NXPH1: variants seen among roughly 807,000 people sequenced by gnomAD.
NXPH1 encodes neurexophilin-1.
NXPH1 carries 5 observed loss-of-function variants against 23.7 expected under a neutral mutation model. The ratio of observed to expected loss-of-function variants is 0.21; its 90% confidence interval spans 0.11 to 0.44. The LOEUF (loss-of-function observed/expected upper bound fraction) is 0.44, where lower values mean the gene tolerates loss of function less well. NXPH1 is among the 20% of genes least tolerant of loss of function. The pLI is 0.99. For synonymous variants in NXPH1, 144 were observed against 122.2 expected (o/e 1.18, Z -1.18); for missense variants, 324 against 321.6 (o/e 1.01, Z -0.06).
At chr7:8,611,673 T>A (rs752919177) in intron 2 of NXPH1, among the ~76,000 whole-genome samples, 3 of 152,174 alleles carry the variant, frequency 2.0e-5, no homozygotes, top group Non-Finnish European at 2.9e-5. Flanking sequence ...TTAACAAATA[T>A]GTTTTCAATA....
chr7:8,570,888 A>G (rs781390550), intron 2 of NXPH1, among the ~76,000 whole-genome samples: 10 of 151,856 alleles, frequency 6.6e-5, no homozygotes, highest in Non-Finnish European at 1.3e-4. Context: ...TAACCAAGAG[A>G]ACAATAGCAG....
At chr7:8,706,043 T>A (rs950703309) in intron 2 of NXPH1, among the ~76,000 whole-genome samples, 1 of 152,184 alleles carries the variant, frequency 6.6e-6, no homozygotes, top group South Asian at 2.1e-4. Context: ...TAATATTTGA[T>A]GTATCTGGAA....
chr7:8,434,005 G>T lies in NXPH1; in HGVS notation c.-861G>T, dbSNP rs3823854. ...AGGCGTGCCAAGCCGCGGCTCTGCG[G>T]AGAAACCACGACCACCGCGGCCGCC... On this transcript the variant is annotated 5_prime_UTR_variant, in exon 1 of 3. Transcript: ENST00000405863. The surrounding 1 kb of genome is among the most constrained non-coding windows in gnomAD (Gnocchi z 7.6). 2 of 152,214 alleles carry T rather than the reference G, an allele frequency of 1.3e-5. No homozygotes were observed. Among genetic ancestry groups the T allele is most frequent in the African/African-American group, 4.8e-5 (2 of 41,426 alleles). The allele number at this position is 152,214 out of a possible 1,614,324, so 9.4% of individuals were successfully genotyped here.
intron 2 of NXPH1, among the ~76,000 whole-genome samples, chr7:8,466,696 A>T (rs747970246): frequency 2.6e-5 from 4 of 152,248 alleles, no homozygotes; most frequent in Non-Finnish European, 2.9e-5. Context: ...ACCTATTTTT[A>T]AAAAAGTAAA....
At chr7:8,439,511 G>C (rs928020963) in intron 2 of NXPH1, among the ~76,000 whole-genome samples, 1 of 152,228 alleles carries the variant, frequency 6.6e-6, no homozygotes, top group African/African-American at 2.4e-5. Flanking sequence ...ACTGTGACTA[G>C]TCACCCATCC....
At chr7:8,515,921 T>G (rs1817679733) in intron 2 of NXPH1, among the ~76,000 whole-genome samples, 1 of 152,146 alleles carries the variant, frequency 6.6e-6, no homozygotes, top group Non-Finnish European at 1.5e-5. Context: ...AAATCTTCCC[T>G]TCTTCTGTTC....
At chr7:8,687,149 T>A (rs1430279956) in intron 2 of NXPH1, among the ~76,000 whole-genome samples, 1 of 152,144 alleles carries the variant, frequency 6.6e-6, no homozygotes, top group Non-Finnish European at 1.5e-5. Flanking sequence ...GATTTCACAG[T>A]ATGTAATGCA....
At chr7:8,444,436 C>T (rs1246385429) in intron 2 of NXPH1, among the ~76,000 whole-genome samples, 1 of 152,220 alleles carries the variant, frequency 6.6e-6, no homozygotes, top group African/African-American at 2.4e-5. Flanking sequence ...TAGGCCCCGC[C>T]TCCACCCACC....
At chr7:8,631,786 C>T (rs1404404749) in intron 2 of NXPH1, among the ~76,000 whole-genome samples, 1 of 152,144 alleles carries the variant, frequency 6.6e-6, no homozygotes, top group Non-Finnish European at 1.5e-5. Flanking sequence ...TAATTCTATT[C>T]TATTCTTTAA....
At chr7:8,460,207 C>T (rs528384346) in intron 2 of NXPH1, among the ~76,000 whole-genome samples, 9 of 152,008 alleles carry the variant, frequency 5.9e-5, no homozygotes, top group African/African-American at 1.9e-4. Context: ...TTTGTGCTTG[C>T]TTAAGCAGCA....
chr7:8,616,624 T>C (rs1819743596), intron 2 of NXPH1, among the ~76,000 whole-genome samples: 1 of 151,722 alleles, frequency 6.6e-6, no homozygotes, highest in African/African-American at 2.4e-5. Flanking sequence ...GAGCGAAGCA[T>C]ATGTAAGGGC....
intron 2 of NXPH1, among the ~76,000 whole-genome samples, chr7:8,569,137 A>C (rs1182709664): frequency 1.3e-5 from 2 of 151,882 alleles, no homozygotes; most frequent in Non-Finnish European, 2.9e-5. Flanking sequence ...CATTATGTGC[A>C]TTCTAATCAA....
intron 2 of NXPH1, chr7:8,690,224 C>A (rs1465434871): frequency 6.6e-6 from 1 of 152,150 alleles, no homozygotes; most frequent in Non-Finnish European, 1.5e-5. Context: ...AAACTTAAAT[C>A]CTGATTATCT....
chr7:8,495,144 A>G (rs1817313513), intron 2 of NXPH1, among the ~76,000 whole-genome samples: 1 of 151,892 alleles, frequency 6.6e-6, no homozygotes, highest in Admixed American at 6.6e-5. Flanking sequence ...TGGCTCAGTG[A>G]TTGGGGGCAC....
intron 2 of NXPH1, among the ~76,000 whole-genome samples, chr7:8,582,433 C>T (rs1174829408): frequency 6.6e-6 from 1 of 152,154 alleles, no homozygotes; most frequent in East Asian, 1.9e-4. Flanking sequence ...AGAGGAGCTT[C>T]ACTGAGTGAT....
At chr7:8,459,740 A>G (rs1816660261) in intron 2 of NXPH1, among the ~76,000 whole-genome samples, 1 of 152,192 alleles carries the variant, frequency 6.6e-6, no homozygotes, top group Non-Finnish European at 1.5e-5. Context: ...CTAGGGGAAA[A>G]GAGTAAGGAT....
At chr7:8,702,660 T>C (rs1372827427) in intron 2 of NXPH1, among the ~76,000 whole-genome samples, 2 of 152,160 alleles carry the variant, frequency 1.3e-5, no homozygotes, top group African/African-American at 4.8e-5. Flanking sequence ...GACAAACTTA[T>C]AATTATATAG....
chr7:8,616,557 T>C lies in NXPH1; in HGVS notation c.55-134451T>C, dbSNP rs78819952. On this transcript the variant is annotated intron_variant, in intron 2 of 2. Transcript: ENST00000405863. ...TTGAAGGTACTAGGAACTCATTTAA[T>C]ATTTGAGGAATGAATTAAGGAAGAA... 6.5e-3 allele frequency among the ~76,000 whole-genome samples: 990 copies of C among 152,188 alleles called. 4 individuals carry two copies. The highest frequency in any genetic ancestry group is 0.011 in the Non-Finnish European group (718 of 67,990).
chr7:8,668,419 C>T (rs1351915196), intron 2 of NXPH1, among the ~76,000 whole-genome samples: 1 of 152,180 alleles, frequency 6.6e-6, no homozygotes, highest in East Asian at 1.9e-4. Flanking sequence ...CTACAGTTTA[C>T]AGGTGAGCTT....
Sources: gnomAD v4.1 joint callset for allele counts (sites outside exome capture counted in the v4.1 genomes callset) on GRCh38, gnomAD v4.1.1 for gene constraint, Gnocchi (gnomAD v3.1) non-coding constraint, MANE v1.5 for transcripts, NCBI Gene and HGNC (gene_info 2026-07-23, HGNC 2026-07-21) for gene names.